CLASP1: variants seen among roughly 807,000 people sequenced by gnomAD.
The protein encoded by CLASP1 is cytoplasmic linker associated protein 1.
A neutral mutation model predicts 192.3 loss-of-function variants in CLASP1; 38 were observed. The observed-to-expected ratio is 0.20, with a 90% CI of 0.15 to 0.26. CLASP1 has a LOEUF of 0.26. Among genes scored for constraint, CLASP1 ranks in the 10% least tolerant of loss-of-function variants. CLASP1 has a pLI of 1.00. For synonymous variants in CLASP1, 691 were observed against 712.8 expected, an observed-to-expected ratio of 0.97 and a Z score of 0.49; for missense variants, 1,433 against 1,932.5, an observed-to-expected ratio of 0.74 and a Z score of 4.85.
chr2:121,421,125 A>C (rs544507696), intron 22 of CLASP1, among the ~76,000 whole-genome samples: 1 of 152,348 alleles, frequency 6.6e-6, no homozygotes, highest in East Asian at 1.9e-4. Flanking sequence ...TTACTCATCA[A>C]AGTAAATCTA....
At chr2:121,494,248 C>G (rs920093899) in intron 8 of CLASP1, among the ~76,000 whole-genome samples, 6 of 152,168 alleles carry the variant, frequency 3.9e-5, no homozygotes, top group Non-Finnish European at 8.8e-5. Flanking sequence ...TGCCTATACA[C>G]AATGCAGTAC....
chr2:121,528,797 A>T lies in CLASP1; in HGVS notation c.275-17T>A. On this transcript the variant is annotated splice_polypyrimidine_tract_variant and intron_variant, in intron 3 of 39. Transcript: ENST00000263710. Reference sequence around the variant, plus strand: ...TTGGCAGCACTGAAAATCAAAATGGAAACTGATCAAATGAAACCCTATTTG... The same window carrying T: ...TTGGCAGCACTGAAAATCAAAATGGTAACTGATCAAATGAAACCCTATTTG... 6.3e-7 allele frequency: 1 copy of T among 1,590,358 alleles called. No homozygotes were observed.
At chr2:121,531,915 G>A (rs1320159611) in intron 2 of CLASP1, among the ~76,000 whole-genome samples, 6 of 151,994 alleles carry the variant, frequency 3.9e-5, no homozygotes, top group African/African-American at 7.3e-5. Flanking sequence ...TTTGTGGAAT[G>A]GTCCAATAGT....
At chr2:121,411,849 A>T (rs1390795829) in intron 23 of CLASP1, among the ~76,000 whole-genome samples, 2 of 152,180 alleles carry the variant, frequency 1.3e-5, no homozygotes, top group African/African-American at 4.8e-5. Context: ...TATCTTCATT[A>T]AGTGTGTTGT....
intron 1 of CLASP1, among the ~76,000 whole-genome samples, chr2:121,635,646 T>C (rs141065678): frequency 3.3e-5 from 5 of 152,178 alleles, no homozygotes; most frequent in Non-Finnish European, 5.9e-5. Flanking sequence ...GAGGGAAATA[T>C]GTTAATACAG....
chr2:121,415,347 G>C (rs1373586325), intron 23 of CLASP1, among the ~76,000 whole-genome samples: 2 of 152,210 alleles, frequency 1.3e-5, no homozygotes, highest in Non-Finnish European at 2.9e-5. Flanking sequence ...GATTAAAAGA[G>C]ATTATAAAGC....
chr2:121,605,504 T>C (rs1237245197), intron 2 of CLASP1, among the ~76,000 whole-genome samples, 197 bp downstream of exon 2: 1 of 152,228 alleles, frequency 6.6e-6, no homozygotes, highest in Non-Finnish European at 1.5e-5. Context: ...GATGAGAATT[T>C]TTTGATCTGC....
intron 19 of CLASP1, among the ~76,000 whole-genome samples, chr2:121,446,621 G>A (rs1012295092): frequency 3.3e-5 from 5 of 152,138 alleles, no homozygotes; most frequent in African/African-American, 7.2e-5. Context: ...AAAACAAAAC[G>A]AAATAAACAA....
intron 6 of CLASP1, among the ~76,000 whole-genome samples, chr2:121,520,970 A>G (rs2094443883): frequency 6.6e-6 from 1 of 152,138 alleles, no homozygotes. Flanking sequence ...TCCAACAATG[A>G]AACATGAGGG....
At chr2:121,366,134 C>T (rs1259975054) in intron 35 of CLASP1, among the ~76,000 whole-genome samples, 2 of 152,224 alleles carry the variant, frequency 1.3e-5, no homozygotes, top group African/African-American at 4.8e-5. Context: ...CTCCTGCCTT[C>T]CTATCTTTTC....
intron 28 of CLASP1, among the ~76,000 whole-genome samples, chr2:121,399,188 A>G (rs1218999164): frequency 6.6e-6 from 1 of 152,238 alleles, no homozygotes; most frequent in Non-Finnish European, 1.5e-5. Flanking sequence ...CTGTAAAATG[A>G]AGCAAATAGA....
At chr2:121,534,188 T>C (rs1198827847) in intron 2 of CLASP1, among the ~76,000 whole-genome samples, 1 of 152,212 alleles carries the variant, frequency 6.6e-6, no homozygotes, top group Non-Finnish European at 1.5e-5. Context: ...GAGAATCACT[T>C]TTAATAACCT....
intron 8 of CLASP1, among the ~76,000 whole-genome samples, chr2:121,479,403 C>T (rs879730952): frequency 1.3e-5 from 2 of 152,072 alleles, no homozygotes; most frequent in African/African-American, 2.4e-5. Flanking sequence ...AAGAAAACAA[C>T]AATAGCATCA....
chr2:121,397,030 A>G (rs1384662278), intron 30 of CLASP1, 110 bp downstream of exon 31: 4 of 993,220 alleles, frequency 4.0e-6, no homozygotes, highest in Non-Finnish European at 4.7e-6. Flanking sequence ...GCAGAGCCTT[A>G]GTGATATAGG....
intron 2 of CLASP1, among the ~76,000 whole-genome samples, chr2:121,544,684 C>CCT (rs1352570856): frequency 6.6e-6 from 1 of 151,902 alleles, no homozygotes; most frequent in Non-Finnish European, 1.5e-5. Flanking sequence ...TAAGGAGTTA[C>CCT]TAAACACACA....
intron 35 of CLASP1, among the ~76,000 whole-genome samples, chr2:121,367,247 C>A (rs1266568868): frequency 2.0e-5 from 3 of 152,232 alleles, no homozygotes; most frequent in Admixed American, 6.5e-5. Flanking sequence ...TTTGTTCCTA[C>A]ACCCCTGGCC....
chr2:121,406,694 A>G (rs2076956040), intron 25 of CLASP1, among the ~76,000 whole-genome samples: 1 of 152,046 alleles, frequency 6.6e-6, no homozygotes, highest in Admixed American at 6.5e-5. Flanking sequence ...GGCTCATGTG[A>G]TCCTCCTGCC....
chr2:121,415,345 G>A (rs1461284166), intron 23 of CLASP1, among the ~76,000 whole-genome samples: 1 of 152,218 alleles, frequency 6.6e-6, no homozygotes, highest in African/African-American at 2.4e-5. Context: ...TGGATTAAAA[G>A]AGATTATAAA....
chr2:121,557,498 C>A (rs1431428052), intron 2 of CLASP1, among the ~76,000 whole-genome samples: 1 of 151,462 alleles, frequency 6.6e-6, no homozygotes, highest in Non-Finnish European at 1.5e-5. Context: ...GCAGGAGAAT[C>A]GCTTGAACCT....
Sources: allele counts gnomAD v4.1 joint callset (sites outside exome capture counted in the v4.1 genomes callset), GRCh38; gene constraint gnomAD v4.1.1; transcripts MANE v1.5; gene names NCBI Gene and HGNC (gene_info 2026-07-23, HGNC 2026-07-21).